Variants in TOM1 observed in about 807,000 individuals in gnomAD.
TOM1 encodes target of Myb protein 1.
A neutral mutation model predicts 61.3 loss-of-function variants in TOM1; 38 were observed. The ratio of observed to expected loss-of-function variants is 0.62; its 90% CI spans 0.48 to 0.81. The LOEUF is 0.81. Among genes scored for constraint, TOM1 ranks in the 40% least tolerant of loss-of-function variants. The pLI is 0.00. For missense variants in TOM1, 591 were observed against 659.6 expected (o/e 0.90, Z 1.14); for synonymous variants, 270 against 268.8 (o/e 1.00, Z -0.04).
At chr22:35,343,934 A>C (rs133395) in intron 12 of TOM1, among the ~76,000 whole-genome samples, 28,993 of 147,930 alleles carry the variant, frequency 0.2, 2,998 homozygotes, top group East Asian at 0.44. Flanking sequence ...ACATCTACAC[A>C]CACCACCTAC....
intron 2 of TOM1, 117 bp from the exon 3 acceptor site, chr22:35,321,842 A>G: frequency 1.1e-6 from 1 of 895,626 alleles, no homozygotes; most frequent in South Asian, 1.3e-5. Flanking sequence ...TGGATACACA[A>G]AACAGGTGGG....
chr22:35,323,665 G>A lies in TOM1; in HGVS notation c.501+35G>A, dbSNP rs1381123775. 1 of 1,613,834 alleles carries A rather than the reference G, an allele frequency of 6.2e-7. No homozygotes were observed. Among genetic ancestry groups the A allele is most frequent in the Non-Finnish European group, 8.5e-7 (1 of 1,179,882 alleles). The stretch of plus-strand genomic sequence containing the variant: ...CTGCCGTACCGGGAACCAAGGGAAG[G>A]GAGGCAGGACTCATCCCCAGAGACA... On this transcript the variant is annotated intron_variant, in intron 5 of 14. Transcript: ENST00000449058. The surrounding 1 kb of genome is among the most constrained non-coding windows in gnomAD (Gnocchi z 4.2).
intron 13 of TOM1, 129 bp downstream of exon 13, chr22:35,345,913 T>C: frequency 4.1e-6 from 4 of 965,310 alleles, no homozygotes; most frequent in Non-Finnish European, 6.4e-6. Flanking sequence ...ACACTTAAAG[T>C]CCCCATCTCC....
intron 1 of TOM1, among the ~76,000 whole-genome samples, chr22:35,313,776 C>T (rs1029109543): frequency 1.3e-5 from 2 of 152,202 alleles, no homozygotes; most frequent in Non-Finnish European, 2.9e-5. Flanking sequence ...TAAGGACGCA[C>T]AGGTGCCCAG....
At chr22:35,318,176 C>A in intron 2 of TOM1, 1 of 574,616 alleles carries the variant, frequency 1.7e-6, no homozygotes, top group Non-Finnish European at 3.1e-6. Flanking sequence ...GGGCTGCCAC[C>A]CCACCCCGCC....
intron 1 of TOM1, among the ~76,000 whole-genome samples, chr22:35,310,053 T>C (rs1926685705): frequency 6.6e-6 from 1 of 152,188 alleles, no homozygotes; most frequent in African/African-American, 2.4e-5. Context: ...AGTCACTGAG[T>C]ACAGTAATAG....
intron 1 of TOM1, among the ~76,000 whole-genome samples, chr22:35,313,869 G>C (rs546295723): frequency 1.3e-5 from 2 of 152,346 alleles, no homozygotes; most frequent in Admixed American, 1.3e-4. Flanking sequence ...GCCCGGTTCT[G>C]TCAGGAGCTG....
chr22:35,316,815 G>A (rs1277228265), intron 1 of TOM1, among the ~76,000 whole-genome samples: 1 of 152,202 alleles, frequency 6.6e-6, no homozygotes, highest in Non-Finnish European at 1.5e-5. Context: ...ACCACCACTT[G>A]CTGAGTGTTT....
chr22:35,328,901 C>T lies in TOM1; in HGVS notation c.766-1446C>T, dbSNP rs571526149. ...GGAACCTTCACCTGGTGGCAGGTAC[C>T]TGAAGAAATAATTGACCAATCTTAA... On this transcript the variant is annotated intron_variant, in intron 7 of 14. Coordinates refer to ENST00000449058, the MANE Select transcript of TOM1 (RefSeq NM_005488.3). Among the ~76,000 whole-genome samples, 2 of 152,240 alleles carry T rather than the reference C, an allele frequency of 1.3e-5. 1 individual carries two copies. Among genetic ancestry groups the T allele is most frequent in the South Asian group, 4.1e-4 (2 of 4,836 alleles).
intron 12 of TOM1, among the ~76,000 whole-genome samples, chr22:35,343,736 C>CACACCTACACACACACCCCT (rs1555898038): frequency 1.7e-4 from 24 of 138,580 alleles, no homozygotes; most frequent in African/African-American, 6.6e-4. Context: ...CTACACCCAC[C>CACACCTACACACACACCCCT]ACACCTACAC....
chr22:35,305,202 G>A (rs564840719), intron 1 of TOM1, among the ~76,000 whole-genome samples: 2 of 152,338 alleles, frequency 1.3e-5, no homozygotes, highest in African/African-American at 4.8e-5. Context: ...CCTGGTTCCA[G>A]CTCTGGTTCT....
intron 12 of TOM1, chr22:35,345,347 G>A (rs1218201780): frequency 7.3e-6 from 2 of 272,386 alleles, no homozygotes; most frequent in South Asian, 5.4e-5. Context: ...TGGGCTTGGC[G>A]TGTCTTTTGT....
At chr22:35,299,803 C>A, upstream of TOM1, 1 of 1,096,360 alleles carries the variant, frequency 9.1e-7, no homozygotes, top group Non-Finnish European at 1.3e-6. Flanking sequence ...TGTGGTCGAG[C>A]TTCGCGGTGC....
Position 35,323,687 on chromosome 22 carries a change from G to C in TOM1, c.501+57G>C. On this transcript the variant is annotated intron_variant, in intron 5 of 14. Transcript: ENST00000449058. This position sits in a 1 kb window ranked among gnomAD's most constrained non-coding sequence, Gnocchi z 4.2. ...AAGGGAGGCAGGACTCATCCCCAGA[G>C]ACATCACCAGGCTGGCCCCTGACTT... 1 of 1,610,692 alleles carries C rather than the reference G, an allele frequency of 6.2e-7. No homozygotes were observed. Among genetic ancestry groups the C allele is most frequent in the Non-Finnish European group, 8.5e-7 (1 of 1,177,314 alleles).
chr22:35,317,932 C>G lies in TOM1; in HGVS notation c.108C>G (p.Ile36Met). 4 of 1,614,188 alleles carry G rather than the reference C, an allele frequency of 2.5e-6. No individual in the cohort carries two copies. The highest frequency in any genetic ancestry group is 3.4e-6 in the Non-Finnish European group (4 of 1,180,016). ...AGGACTGGGCCCTCAACATGGAGAT[C>G]TGCGACATCATCAACGAGACGGAGG... ...QSEDWALNME[I>M]CDIINETEEG... The change falls in exon 2 of 15, where the codon ATC becomes ATG. Residue 36 changes from isoleucine to methionine, a missense_variant. Ile to Met is a conservative substitution (Grantham distance 10). Coordinates refer to ENST00000449058, the MANE Select transcript of TOM1 (RefSeq NM_005488.3).
rs1318603316 is a variant in TOM1, at chr22:35,317,960, G to A, written c.136G>A (p.Gly46Ser). 3.7e-6 allele frequency: 6 copies of A among 1,613,910 alleles called. No homozygotes were observed. In the East Asian group the frequency reaches 1.1e-4, roughly 30 times the overall value. Residue 46 changes from glycine (G) to serine (S), a missense_variant and splice_region_variant, in exon 2 of 15, where the codon GGT becomes AGT. By Grantham distance (56) the Gly-to-Ser change is moderately conservative. Transcript: ENST00000449058. ...CGACATCATCAACGAGACGGAGGAA[G>A]GGTAAGGGCCCCCCAAGGAGAGGTT... The part of the protein sequence containing the change: ...ICDIINETEE[G>S]PKDALRAVKK...
chr22:35,331,097 T>A (rs1024404837), intron 8 of TOM1, among the ~76,000 whole-genome samples: 3 of 148,138 alleles, frequency 2.0e-5, no homozygotes, highest in Non-Finnish European at 4.5e-5. Context: ...GTCCACCTTT[T>A]TTTTTTTTTT....
intron 12 of TOM1, chr22:35,344,301 C>G (rs1569042229): frequency 1.3e-5 from 2 of 152,540 alleles, no homozygotes; most frequent in Non-Finnish European, 2.9e-5. Context: ...GGGGTGCTCG[C>G]AGGGCTCCTG....
In TOM1 at chr22:35,322,878, G is replaced by A. The variant is rs913104975; in HGVS notation, c.217-150G>A. On this transcript the variant is annotated intron_variant, in intron 3 of 14. Coordinates refer to ENST00000449058, the MANE Select transcript of TOM1 (RefSeq NM_005488.3). Reference sequence around the variant, plus strand: ...GTCCCCCAGTCCTGGCATTGTCCCAGTCCTCCACATTCAAGGGTCTCACTC... The same window carrying A: ...GTCCCCCAGTCCTGGCATTGTCCCAATCCTCCACATTCAAGGGTCTCACTC... The A allele has an allele frequency of 4.3e-6, 4 of 930,494 alleles. No individual in the cohort carries two copies. In the African/African-American group the frequency reaches 5.0e-5, roughly 12 times the overall value. The allele number at this position is 930,494 out of a possible 1,614,324, so 57.6% of individuals were successfully genotyped here. A position where few individuals can be genotyped will look rare whatever the true frequency, so the allele number is the denominator to read the frequency against.
Sources: gnomAD v4.1 joint callset for allele counts (sites outside exome capture counted in the v4.1 genomes callset) on GRCh38, gnomAD v4.1.1 for gene constraint, Gnocchi (gnomAD v3.1) non-coding constraint, MANE v1.5 for transcripts, NCBI Gene and HGNC (gene_info 2026-07-23, HGNC 2026-07-21) for gene names.